Variants in TCF7 observed in about 807,000 individuals in gnomAD.
The protein encoded by TCF7 is transcription factor 7.
TCF7 carries 19 observed loss-of-function variants against 46.8 expected under a neutral mutation model. That is an observed-to-expected ratio of 0.41 (90% CI 0.28 to 0.60). The LOEUF is 0.60. TCF7 is among the 20% of genes least tolerant of loss of function. The probability of loss-of-function intolerance (pLI) is 0.35; values close to 1 mark genes in which losing one functional copy is unlikely to be tolerated. For synonymous variants in TCF7, 245 were observed against 213.4 expected (o/e 1.15, Z -1.29); for missense variants, 547 against 504.6 (o/e 1.08, Z -0.81).
rs868728816 is a variant in TCF7 at position 134,120,470 on chromosome 5, G to A, written c.441+4437G>A. Among the ~76,000 whole-genome samples the A allele has an allele frequency of 2.4e-4, 37 of 152,252 alleles. No homozygotes were observed. In the South Asian group the frequency reaches 2.5e-3, roughly 10 times the overall value. On this transcript the variant is annotated intron_variant, in intron 3 of 9. Transcript: ENST00000342854. ...AGTGCCTGGGTGGCCCCCGCCAGCC[G>A]CCCCTCATCACCTGCACCAGCCTCT...
intron 3 of TCF7, among the ~76,000 whole-genome samples, chr5:134,133,314 G>A (rs1758415642): frequency 6.6e-6 from 1 of 152,208 alleles, no homozygotes; most frequent in Admixed American, 6.5e-5. Context: ...ATGAGGGCAA[G>A]AGAGATGAAG....
chr5:134,147,525 CATTACAA>C lies in TCF7; in HGVS notation c.*1223_*1229del, dbSNP rs1760846920. The C allele has an allele frequency of 6.6e-6, 1 of 152,590 alleles. No individual in the cohort carries two copies. Among genetic ancestry groups the C allele is most frequent in the African/African-American group, 2.4e-5 (1 of 41,424 alleles). The allele number at this position is 152,590 out of a possible 1,614,324, so 9.5% of individuals were successfully genotyped here. ...CCCATGGGGCTGCGGGACAGAGGACCATTACAACTAGATCAAGGAGCCCAGAAAACCT... is the reference window on the plus strand; with the variant it reads ...CCCATGGGGCTGCGGGACAGAGGACCCTAGATCAAGGAGCCCAGAAAACCT... On this transcript the variant is annotated 3_prime_UTR_variant, in exon 10 of 10. Transcript: ENST00000342854.
At position 134,138,082 on chromosome 5, in the gene TCF7, C is replaced by T. The variant is rs561867522; in HGVS notation, c.465C>T (p.His155=). ...AGCACAAGGCCAATCAGCCCCCCCACGGTGTCCCCCAACTCTCTCTCTACG... is the reference window on the plus strand; with the variant it reads ...AGCACAAGGCCAATCAGCCCCCCCATGGTGTCCCCCAACTCTCTCTCTACG... The part of the protein sequence containing the change: ...PPLHKANQPP[H]GVPQLSLYEH... The change falls in exon 4 of 10, where the codon CAC becomes CAT. Residue 155 remains histidine (H), a synonymous_variant. Coordinates refer to ENST00000342854, the MANE Select transcript of TCF7 (RefSeq NM_003202.5). The T allele has an allele frequency of 1.1e-5, 17 of 1,606,498 alleles. No homozygotes were observed. Among genetic ancestry groups the T allele is most frequent in the South Asian group, 4.5e-5 (4 of 89,868 alleles).
chr5:134,139,119 C>A, intron 5 of TCF7, 81 bp downstream of exon 5: 5 of 1,551,302 alleles, frequency 3.2e-6, no homozygotes, highest in Non-Finnish European at 4.4e-6. Context: ...CCTCCTCCAT[C>A]CCTCTTGGCT....
At chr5:134,108,876 C>T in the TCF7 span, among the ~76,000 whole-genome samples, 142,380 of 152,222 alleles carry the variant, frequency 0.94, 66,684 homozygotes, top group African/African-American at 0.98. Flanking sequence ...CTGCCCCACC[C>T]GGAAAAGGCC....
chr5:134,144,564 C>A, intron 9 of TCF7: 1 of 534,050 alleles, frequency 1.9e-6, no homozygotes, highest in South Asian at 2.1e-5. Flanking sequence ...CCCATTCTTC[C>A]CACTGCCTCT....
At chr5:134,115,247 G>C in intron 1 of TCF7, 74 bp from the exon 2 acceptor site, 8 of 1,401,076 alleles carry the variant, frequency 5.7e-6, no homozygotes, top group Middle Eastern at 5.3e-4. Context: ...AGCGCGCAGA[G>C]CGTCCCTGCC....
chr5:134,145,326 C>T (rs1760535401), intron 9 of TCF7: 2 of 540,178 alleles, frequency 3.7e-6, no homozygotes, highest in South Asian at 1.4e-5. Flanking sequence ...CAACACAGAA[C>T]CATCTGGTTG....
At chr5:134,113,481 A>G (rs1478552119), upstream of TCF7, among the ~76,000 whole-genome samples, 4 of 152,228 alleles carry the variant, frequency 2.6e-5, no homozygotes, top group African/African-American at 9.6e-5. Context: ...CACCGCTGCC[A>G]GGGGTCCTGT....
At chr5:134,126,890 C>G (rs1041328451) in intron 3 of TCF7, among the ~76,000 whole-genome samples, 55 of 148,580 alleles carry the variant, frequency 3.7e-4, no homozygotes, top group African/African-American at 1.3e-3. Context: ...GAGCTAGACT[C>G]TATCTCAAAA....
intron 3 of TCF7, among the ~76,000 whole-genome samples, chr5:134,137,178 C>T (rs932846692): frequency 6.6e-6 from 1 of 152,222 alleles, no homozygotes; most frequent in Non-Finnish European, 1.5e-5. Flanking sequence ...AATCCCAGCA[C>T]TCTGGGAGGC....
chr5:134,115,305 C>G lies in TCF7; in HGVS notation c.250-16C>G. 1 of 1,562,462 alleles carries G rather than the reference C, an allele frequency of 6.4e-7. No individual in the cohort carries two copies. Among genetic ancestry groups the G allele is most frequent in the Non-Finnish European group, 8.7e-7 (1 of 1,155,016 alleles). Reference sequence around the variant, plus strand: ...CGGTCCCACCGCCCCTCACTCCCCTCCGGTTCTCCCTCCAGGCTCTCGGGC... The same window carrying G: ...CGGTCCCACCGCCCCTCACTCCCCTGCGGTTCTCCCTCCAGGCTCTCGGGC... On this transcript the variant is annotated splice_polypyrimidine_tract_variant and intron_variant, in intron 1 of 9. Coordinates refer to ENST00000342854, the MANE Select transcript of TCF7 (RefSeq NM_003202.5).
chr5:134,143,138 G>T (rs769367942), intron 8 of TCF7, 38 bp downstream of exon 8: 1 of 1,553,882 alleles, frequency 6.4e-7, no homozygotes, highest in Non-Finnish European at 8.7e-7. Flanking sequence ...GTGGGCAGGG[G>T]ACCCTTTGAG....
intron 3 of TCF7, 194 bp downstream of exon 3, chr5:134,116,227 C>A: frequency 7.9e-7 from 1 of 1,272,344 alleles, no homozygotes. Flanking sequence ...CGCCCTGGGG[C>A]ACCCCCCTGC....
At chr5:134,119,581 G>C (rs771661603) in intron 3 of TCF7, among the ~76,000 whole-genome samples, 104 of 152,368 alleles carry the variant, frequency 6.8e-4, no homozygotes, top group Admixed American at 1.9e-3. Context: ...CTCCACAGTT[G>C]TCCAGGTGCC....
intron 9 of TCF7, chr5:134,145,949 GGA>G (rs1760633565): frequency 4.7e-6 from 7 of 1,482,370 alleles, no homozygotes; most frequent in Non-Finnish European, 5.4e-6. Context: ...TTGGAAGACA[GGA>G]GAGATGACTC....
intron 9 of TCF7, chr5:134,144,032 TAGGCCCAGTAGACACAC>T (rs1760289919): frequency 5.2e-6 from 1 of 192,764 alleles, no homozygotes; most frequent in African/African-American, 2.3e-5. Context: ...GCCCCATGAC[TAGGCCCAGTAGACACAC>T]AGCCTACTGG....
intron 5 of TCF7, 78 bp from the exon 6 acceptor site, chr5:134,142,107 T>TA (rs1561693960): frequency 6.3e-7 from 1 of 1,593,246 alleles, no homozygotes; most frequent in East Asian, 2.2e-5. Context: ...AGTTATGTAT[T>TA]ATGCAGGGGC....
intron 3 of TCF7, among the ~76,000 whole-genome samples, chr5:134,133,639 A>G (rs1314759619): frequency 6.6e-6 from 1 of 152,050 alleles, no homozygotes; most frequent in Non-Finnish European, 1.5e-5. Flanking sequence ...GATTGAGGCT[A>G]AGAGGCAGCC....
Sources: gnomAD v4.1 joint callset for allele counts (sites outside exome capture counted in the v4.1 genomes callset) on GRCh38, gnomAD v4.1.1 for gene constraint, MANE v1.5 for transcripts, NCBI Gene and HGNC (gene_info 2026-07-23, HGNC 2026-07-21) for gene names.